Variants in RIN2 observed in about 807,000 individuals in gnomAD.
The protein encoded by RIN2 is Ras and Rab interactor 2, also known as RAB5 interacting protein 2.
A neutral mutation model predicts 78.0 loss-of-function variants in RIN2; 36 were observed. The ratio of observed to expected loss-of-function variants is 0.46; its 90% CI spans 0.35 to 0.61. The LOEUF (loss-of-function observed/expected upper bound fraction) is 0.61, where lower values mean the gene tolerates loss of function less well. Ranked by LOEUF, RIN2 falls within the 20% of genes least tolerant of loss-of-function variation. The pLI is 0.00. For missense variants in RIN2, 1,087 were observed against 1,159.7 expected, an observed-to-expected ratio of 0.94 and a Z score of 0.91; for synonymous variants, 466 against 466.8, an observed-to-expected ratio of 1.00 and a Z score of 0.02.
intron 2 of RIN2, among the ~76,000 whole-genome samples, chr20:19,865,950 G>T (rs2037492588): frequency 6.6e-6 from 1 of 152,092 alleles, no homozygotes. Flanking sequence ...ATAGACCGGG[G>T]TTGTGTGAGG....
chr20:19,844,618 C>CTTCTTA (rs2036689971), intron 2 of RIN2, among the ~76,000 whole-genome samples: 1 of 81,190 alleles, frequency 1.2e-5, no homozygotes, highest in Admixed American at 1.3e-4. Context: ...TCTTCTTCTT[C>CTTCTTA]TTCTTCTTCT....
At chr20:19,943,845 C>T (rs796169949) in intron 4 of RIN2, among the ~76,000 whole-genome samples, 72 of 152,222 alleles carry the variant, frequency 4.7e-4, no homozygotes, top group African/African-American at 1.6e-3. Flanking sequence ...GCTCACCTGG[C>T]AATTTCCATG....
At chr20:19,978,903 C>T (rs377032704) in intron 9 of RIN2, among the ~76,000 whole-genome samples, 1 of 152,168 alleles carries the variant, frequency 6.6e-6, no homozygotes, top group Non-Finnish European at 1.5e-5. Flanking sequence ...AACCTCTTCA[C>T]GGACAGTGTG....
intron 2 of RIN2, among the ~76,000 whole-genome samples, chr20:19,833,842 G>A (rs1019319231): frequency 7.9e-5 from 12 of 152,158 alleles, no homozygotes; most frequent in African/African-American, 2.9e-4. Flanking sequence ...CCTCGCCCCA[G>A]TGCAGGACCA....
chr20:19,942,761 C>A (rs2040932457), intron 4 of RIN2, among the ~76,000 whole-genome samples: 1 of 152,188 alleles, frequency 6.6e-6, no homozygotes, highest in Non-Finnish European at 1.5e-5. Context: ...ACGGGTAGCA[C>A]CTTCCAATGT....
At chr20:19,758,746 A>G (rs1211858742) in intron 1 of RIN2, among the ~76,000 whole-genome samples, 1 of 151,426 alleles carries the variant, frequency 6.6e-6, no homozygotes, top group Admixed American at 6.6e-5. Flanking sequence ...TTCTACCTGC[A>G]GGGCTGCCTG....
At chr20:19,892,555 A>G (rs151142574) in intron 3 of RIN2, among the ~76,000 whole-genome samples, 1 of 144,290 alleles carries the variant, frequency 6.9e-6, no homozygotes, top group East Asian at 2.1e-4. Context: ...TAAATGATAT[A>G]GTTACTTTAT....
At chr20:19,953,125 GA>G (rs2146217398) in intron 4 of RIN2, among the ~76,000 whole-genome samples, 1 of 150,504 alleles carries the variant, frequency 6.6e-6, no homozygotes, top group African/African-American at 2.5e-5. Flanking sequence ...TGCACGTTGG[GA>G]TCCCCTGGGG....
In RIN2 at chr20:19,889,588, C is replaced by A; in HGVS notation, c.-14C>A. 1.3e-6 allele frequency: 2 copies of A among 1,550,928 alleles called. No homozygotes were observed. Among genetic ancestry groups the A allele is most frequent in the Admixed American group, 2.0e-5 (1 of 51,066 alleles). On this transcript the variant is annotated 5_prime_UTR_variant, in exon 3 of 13. Coordinates refer to ENST00000255006, the MANE Select transcript of RIN2 (RefSeq NM_018993.4). ...CAGGAGTCCCCGGCGTGCAGTGGAG[C>A]CTCGCTGGGGGAAATGACAGCTTGG... is the stretch of plus-strand genomic sequence containing the variant.
chr20:19,821,693 G>A (rs112890141), intron 2 of RIN2, among the ~76,000 whole-genome samples: 3 of 151,828 alleles, frequency 2.0e-5, no homozygotes, highest in East Asian at 1.9e-4. Context: ...GAATCCCTTC[G>A]TCTGCCTACT....
chr20:19,961,815 TC>T (rs1355653571), intron 6 of RIN2, among the ~76,000 whole-genome samples: 3 of 151,812 alleles, frequency 2.0e-5, no homozygotes, highest in Non-Finnish European at 2.9e-5. Context: ...GGGAAAAACT[TC>T]CCCCTGAAAG....
At chr20:19,781,401 A>T (rs1290347205) in intron 1 of RIN2, among the ~76,000 whole-genome samples, 2 of 152,210 alleles carry the variant, frequency 1.3e-5, no homozygotes, top group African/African-American at 4.8e-5. Context: ...ATCTCCTTGT[A>T]TCCTGGCTTT....
intron 3 of RIN2, among the ~76,000 whole-genome samples, chr20:19,896,164 A>C (rs1476186168): frequency 6.6e-6 from 1 of 152,044 alleles, no homozygotes; most frequent in Non-Finnish European, 1.5e-5. Flanking sequence ...TTAGTCAGTA[A>C]TTTCTTTTTT....
intron 2 of RIN2, among the ~76,000 whole-genome samples, chr20:19,847,149 G>C (rs961198329): frequency 2.0e-5 from 3 of 152,182 alleles, no homozygotes; most frequent in Non-Finnish European, 4.4e-5. Context: ...GCACAGCTGA[G>C]TTGCTGAAGA....
chr20:19,933,529 G>GC (rs11483331), intron 3 of RIN2, among the ~76,000 whole-genome samples: 15,508 of 152,092 alleles, frequency 0.1, 919 homozygotes, highest in East Asian at 0.24. Context: ...GTGTCTTTCT[G>GC]CCCCACCAGA....
At chr20:19,793,040 G>A (rs2034938981) in intron 1 of RIN2, among the ~76,000 whole-genome samples, 1 of 147,718 alleles carries the variant, frequency 6.8e-6, no homozygotes, top group Non-Finnish European at 1.5e-5. Context: ...CAGCAGCCCA[G>A]CCAAGGGGTA....
chr20:19,929,385 A>G (rs1467674580), intron 3 of RIN2, among the ~76,000 whole-genome samples: 3 of 152,122 alleles, frequency 2.0e-5, no homozygotes, highest in Non-Finnish European at 4.4e-5. Flanking sequence ...GGTTTGAGAC[A>G]GAGTCTCGCT....
chr20:20,000,611 AGAATTACCTCC>A lies in RIN2; in HGVS notation c.2366_2376del (p.Asn789SerfsTer24), dbSNP rs2043114023. On this transcript the variant is annotated splice_acceptor_variant and coding_sequence_variant, in exon 13 of 13. Coordinates refer to ENST00000255006, the MANE Select transcript of RIN2 (RefSeq NM_018993.4). LOFTEE classifies it high-confidence loss of function. ...GTCTCAACATTCCTCTTCCACCTGC[AGAATTACCTCC>A]GAGTTGCATTTCAGGAGGTCAACAG... The A allele has an allele frequency of 6.3e-7, 1 of 1,588,650 alleles. No individual in the cohort carries two copies. Among genetic ancestry groups the A allele is most frequent in the Non-Finnish European group, 8.6e-7 (1 of 1,163,014 alleles).
chr20:19,805,889 C>T (rs2035392915), intron 2 of RIN2, among the ~76,000 whole-genome samples: 1 of 152,084 alleles, frequency 6.6e-6, no homozygotes, highest in South Asian at 2.1e-4. Context: ...TCCAACAGGC[C>T]ACAGTGTGTG....
Sources: allele counts gnomAD v4.1 joint callset (sites outside exome capture counted in the v4.1 genomes callset), GRCh38; gene constraint gnomAD v4.1.1; transcripts MANE v1.5; gene names NCBI Gene and HGNC (gene_info 2026-07-23, HGNC 2026-07-21).